Variants in CSMD3 observed in about 807,000 individuals in gnomAD.
CSMD3 encodes CUB and Sushi multiple domains 3.
In CSMD3, 177 loss-of-function variants were observed where a neutral mutation model predicts 435.2. That is an observed-to-expected ratio of 0.41 (90% CI 0.36 to 0.46). The LOEUF (loss-of-function observed/expected upper bound fraction) is 0.46, where lower values mean the gene tolerates loss of function less well. Among genes scored for constraint, CSMD3 ranks in the 20% least tolerant of loss-of-function variants. CSMD3 has a pLI of 0.34. For missense variants in CSMD3, 4,265 were observed against 4,504.6 expected (o/e 0.95, Z 1.52); for synonymous variants, 1,656 against 1,520.5 (o/e 1.09, Z -2.07).
intron 13 of CSMD3, among the ~76,000 whole-genome samples, chr8:112,784,345 T>C (rs2078481197): frequency 6.6e-6 from 1 of 151,430 alleles, no homozygotes; most frequent in Non-Finnish European, 1.5e-5. Flanking sequence ...AAACTTCAAA[T>C]AAACAATCTA....
At chr8:112,706,890 C>T (rs1269119414) in intron 13 of CSMD3, among the ~76,000 whole-genome samples, 1 of 152,044 alleles carries the variant, frequency 6.6e-6, no homozygotes, top group Non-Finnish European at 1.5e-5. Context: ...TATCAGGAAA[C>T]ATTTCTTTTT....
chr8:112,891,143 A>G (rs2081775706), intron 10 of CSMD3, among the ~76,000 whole-genome samples: 1 of 151,544 alleles, frequency 6.6e-6, no homozygotes, highest in Admixed American at 6.6e-5. Context: ...GTAACATCCA[A>G]TCCAATAGCT....
chr8:113,101,131 T>C (rs901000277), intron 4 of CSMD3, among the ~76,000 whole-genome samples: 1 of 152,160 alleles, frequency 6.6e-6, no homozygotes, highest in African/African-American at 2.4e-5. Flanking sequence ...CTTTCACTCA[T>C]AGGCCCTTTC....
intron 51 of CSMD3, 31 bp from the exon 52 acceptor site, chr8:112,304,946 A>G (rs1329444188): frequency 1.3e-6 from 2 of 1,512,394 alleles, no homozygotes; most frequent in Non-Finnish European, 1.8e-6. Context: ...GTAATTGCTA[A>G]CAAATCACTA....
chr8:112,583,228 G>C (rs559609176), intron 23 of CSMD3, among the ~76,000 whole-genome samples: 3 of 152,002 alleles, frequency 2.0e-5, no homozygotes, highest in African/African-American at 7.2e-5. Flanking sequence ...ACTCTACTTC[G>C]TCCTTGAGTA....
At chr8:112,294,634 C>T (rs2130704931) in intron 54 of CSMD3, among the ~76,000 whole-genome samples, 1 of 152,026 alleles carries the variant, frequency 6.6e-6, no homozygotes, top group East Asian at 1.9e-4. Context: ...AAATCCACAA[C>T]ATACATATAG....
rs1359300335 is a variant in CSMD3 at position 112,492,582 on chromosome 8, C to A, written c.5185G>T (p.Ala1729Ser). ...GAATAACCTTGAAGAACATAACCAGCATCACAGTAATAGGTGACTGTTGAC... is the reference window on the plus strand; with the variant it reads ...GAATAACCTTGAAGAACATAACCAGAATCACAGTAATAGGTGACTGTTGAC... ...LGSTVTYYCD[A>S]GYVLQGYSTL... Residue 1729 changes from alanine to serine, a missense_variant, in exon 31 of 71, where the codon GCT becomes TCT. Physicochemically the swap from Ala to Ser is moderately conservative, Grantham distance 99 (BLOSUM62 1). This residue lies in a region of CSMD3 where 3,255 missense variants were observed against 3,380.2 expected (regional missense o/e 0.96). Transcript: ENST00000297405. The A allele has an allele frequency of 6.2e-7, 1 of 1,613,272 alleles. No individual in the cohort carries two copies. Among genetic ancestry groups the A allele is most frequent in the Non-Finnish European group, 8.5e-7 (1 of 1,179,240 alleles).
intron 38 of CSMD3, among the ~76,000 whole-genome samples, chr8:112,371,048 G>A (rs543649018): frequency 6.6e-6 from 1 of 152,260 alleles, no homozygotes; most frequent in South Asian, 2.1e-4. Context: ...CAAGGATGGA[G>A]AAGATGCTCA....
chr8:112,493,926 T>C (rs952244417), intron 30 of CSMD3, among the ~76,000 whole-genome samples: 2 of 152,118 alleles, frequency 1.3e-5, no homozygotes, highest in African/African-American at 2.4e-5. Context: ...AGAATTTGTT[T>C]TGTGCTAATA....
chr8:112,888,134 A>G (rs1156854650), intron 10 of CSMD3, among the ~76,000 whole-genome samples: 1 of 151,640 alleles, frequency 6.6e-6, no homozygotes, highest in Admixed American at 6.6e-5. Context: ...TAGCACAAAC[A>G]ATGTCCTTGA....
intron 1 of CSMD3, among the ~76,000 whole-genome samples, chr8:113,417,275 G>T (rs915085977): frequency 2.4e-4 from 37 of 151,966 alleles, no homozygotes; most frequent in Admixed American, 1.7e-3. Flanking sequence ...TTGCAACCAG[G>T]AAGGAACAAT....
At chr8:113,014,082 C>T (rs937160815) in intron 6 of CSMD3, among the ~76,000 whole-genome samples, 1 of 152,108 alleles carries the variant, frequency 6.6e-6, no homozygotes, top group Admixed American at 6.6e-5. Context: ...TGGCATGGGT[C>T]ATCCATTTTG....
intron 10 of CSMD3, among the ~76,000 whole-genome samples, chr8:112,904,218 C>A (rs770857975): frequency 1.3e-5 from 2 of 151,308 alleles, no homozygotes; most frequent in South Asian, 4.2e-4. Context: ...TATTGTACAG[C>A]GCGGTGACTA....
Position 112,570,253 on chromosome 8 carries a change from A to T in CSMD3, c.4042+3248T>A, listed in dbSNP as rs1447819085. 1.3e-5 allele frequency among the ~76,000 whole-genome samples: 2 copies of T among 152,196 alleles called. 1 individual carries two copies. Among genetic ancestry groups the T allele is most frequent in the African/African-American group, 4.8e-5 (2 of 41,460 alleles). ...TATTCAGATGACATCTTAATTCATC[A>T]AGAGTATGTAAAAAGATACAATTGA... On this transcript the variant is annotated intron_variant, in intron 24 of 70. Transcript: ENST00000297405.
At chr8:112,873,091 C>T (rs1269171185) in intron 10 of CSMD3, among the ~76,000 whole-genome samples, 1 of 151,904 alleles carries the variant, frequency 6.6e-6, no homozygotes, top group Non-Finnish European at 1.5e-5. Context: ...ATTAACTGAG[C>T]CAGTTCTGAT....
intron 6 of CSMD3, among the ~76,000 whole-genome samples, chr8:113,011,152 C>T (rs1236124719): frequency 6.6e-6 from 1 of 151,518 alleles, no homozygotes; most frequent in African/African-American, 2.4e-5. Context: ...TATAAAACAG[C>T]TAAAAAAGAT....
At position 112,649,504 on chromosome 8, in the gene CSMD3, T is replaced by C. The variant is rs549598418; in HGVS notation, c.3193+657A>G. ...GAAATTAAAACCCATAGTTAAATAA[T>C]ATATGGATTTACATTGAGTGTGCTT... On this transcript the variant is annotated intron_variant, in intron 19 of 70. Transcript: ENST00000297405. 1.2e-4 allele frequency among the ~76,000 whole-genome samples: 19 copies of C among 152,276 alleles called. No individual in the cohort carries two copies. In the East Asian group the frequency reaches 2.5e-3, roughly 20 times the overall value.
intron 1 of CSMD3, 93 bp downstream of exon 1, chr8:113,436,584 G>C (rs2094707828): frequency 1.8e-6 from 2 of 1,090,558 alleles, no homozygotes; most frequent in South Asian, 2.5e-5. Context: ...TTATTTTATC[G>C]GTGCAAATTG....
At chr8:112,429,297 G>T (rs1264187913) in intron 32 of CSMD3, among the ~76,000 whole-genome samples, 1 of 151,926 alleles carries the variant, frequency 6.6e-6, no homozygotes, top group African/African-American at 2.4e-5. Flanking sequence ...TACAATATTG[G>T]TTTTTCTGTG....
Sources: gnomAD v4.1 joint callset for allele counts (sites outside exome capture counted in the v4.1 genomes callset) on GRCh38, gnomAD v4.1.1 for gene constraint, gnomAD v4.1.1 regional missense constraint, MANE v1.5 for transcripts, NCBI Gene and HGNC (gene_info 2026-07-23, HGNC 2026-07-21) for gene names.